EPHB1: variants seen among roughly 807,000 people sequenced by gnomAD.
EPHB1 encodes ephrin type-B receptor 1.
A neutral mutation model predicts 94.4 loss-of-function variants in EPHB1; 30 were observed. The ratio of observed to expected loss-of-function variants is 0.32; its 90% CI spans 0.24 to 0.43. EPHB1 has a LOEUF of 0.43. EPHB1 is among the 20% of genes least tolerant of loss of function. The probability of loss-of-function intolerance (pLI) is 1.00; values close to 1 mark genes in which losing one functional copy is unlikely to be tolerated. For synonymous variants in EPHB1, 522 were observed against 489.1 expected (o/e 1.07, Z -0.89); for missense variants, 1,055 against 1,308.3 (o/e 0.81, Z 2.99).
chr3:135,220,877 A>ATAGATTTTCATAC (rs1943266375), intron 12 of EPHB1, among the ~76,000 whole-genome samples: 1 of 152,206 alleles, frequency 6.6e-6, no homozygotes, highest in Admixed American at 6.5e-5. Flanking sequence ...CCTTGTCTTC[A>ATAGATTTTCATAC]TAGATTTTCA....
chr3:135,030,925 G>T lies in EPHB1; in HGVS notation c.806-75523G>T, dbSNP rs547513509. Among the ~76,000 whole-genome samples, 555 of 152,330 alleles carry T rather than the reference G, an allele frequency of 3.6e-3. 6 individuals carry two copies. Among genetic ancestry groups the T allele is most frequent in the African/African-American group, 0.012 (518 of 41,580 alleles). ...GCCAGGTGCGGCATGTAATCTCGTG[G>T]TGCGCCATTTTTTAAGCCCGTCGGA... On this transcript the variant is annotated intron_variant, in intron 3 of 15. Transcript: ENST00000398015.
intron 1 of EPHB1, among the ~76,000 whole-genome samples, chr3:134,819,987 A>G (rs1034221509): frequency 5.3e-5 from 8 of 152,148 alleles, no homozygotes; most frequent in Non-Finnish European, 8.8e-5. Flanking sequence ...CCCACAAGAT[A>G]AAAGTTTATT....
At chr3:135,053,033 A>ATG (rs1937236783) in intron 3 of EPHB1, among the ~76,000 whole-genome samples, 1 of 130,292 alleles carries the variant, frequency 7.7e-6, no homozygotes, top group Non-Finnish European at 1.6e-5. Flanking sequence ...GTGTGTATAT[A>ATG]TATATATATA....
At chr3:134,804,577 C>T (rs2036000775) in intron 1 of EPHB1, among the ~76,000 whole-genome samples, 1 of 152,144 alleles carries the variant, frequency 6.6e-6, no homozygotes, top group African/African-American at 2.4e-5. Context: ...GGAATCAGGG[C>T]ACAGCGCAGG....
chr3:134,872,562 A>C (rs2037522215), intron 1 of EPHB1, among the ~76,000 whole-genome samples: 1 of 152,232 alleles, frequency 6.6e-6, no homozygotes, highest in African/African-American at 2.4e-5. Flanking sequence ...CCAATAAATA[A>C]AGCAAAGCTA....
At chr3:134,996,461 A>T (rs1239553173) in intron 3 of EPHB1, among the ~76,000 whole-genome samples, 2 of 152,194 alleles carry the variant, frequency 1.3e-5, no homozygotes, top group Non-Finnish European at 2.9e-5. Context: ...GCTGGGATTT[A>T]CAGCCATGCG....
intron 1 of EPHB1, among the ~76,000 whole-genome samples, chr3:134,831,536 C>T (rs74441071): frequency 0.016 from 2,407 of 152,312 alleles, 37 homozygotes; most frequent in South Asian, 0.062. Flanking sequence ...TCCCACCCCT[C>T]GGATGCCTCC....
In EPHB1 at chr3:135,052,890, A is replaced by AAAAAT. The variant is rs1553726757; in HGVS notation, c.806-53557_806-53556insAAATA. Reference sequence around the variant, plus strand: ...AAAAAAAAAAAAAAAAAAAAAAAAAAATATATATATATATATATATGTGTG... The same window carrying AAAAAT: ...AAAAAAAAAAAAAAAAAAAAAAAAAAAAAATATATATATATATATATATATGTGTG... On this transcript the variant is annotated intron_variant, in intron 3 of 15. Coordinates refer to ENST00000398015, the MANE Select transcript of EPHB1 (RefSeq NM_004441.5). 1.5e-3 allele frequency among the ~76,000 whole-genome samples: 80 copies of AAAAAT among 54,586 alleles called. 4 individuals carry two copies. The highest frequency in any genetic ancestry group is 4.2e-3 in the East Asian group (7 of 1,672). 35.8% of individuals were successfully genotyped at this position (54,586 alleles called of 152,430 possible).
intron 3 of EPHB1, among the ~76,000 whole-genome samples, chr3:135,002,107 T>C (rs1339297088): frequency 3.3e-5 from 5 of 152,182 alleles, no homozygotes; most frequent in Non-Finnish European, 5.9e-5. Flanking sequence ...ATGAATGAAA[T>C]GTTGATGTAT....
intron 1 of EPHB1, among the ~76,000 whole-genome samples, chr3:134,829,830 A>G (rs1036389133): frequency 2.0e-5 from 3 of 152,178 alleles, no homozygotes; most frequent in African/African-American, 7.2e-5. Context: ...ACATGCACAC[A>G]GGGAGTGCGC....
intron 12 of EPHB1, among the ~76,000 whole-genome samples, chr3:135,238,006 C>G (rs1559886385): frequency 6.6e-6 from 1 of 152,128 alleles, no homozygotes; most frequent in Admixed American, 6.5e-5. Flanking sequence ...TAATAGATTT[C>G]CTTTCACATA....
intron 3 of EPHB1, among the ~76,000 whole-genome samples, chr3:135,071,079 C>T (rs1300234298): frequency 6.6e-6 from 1 of 152,172 alleles, no homozygotes; most frequent in Non-Finnish European, 1.5e-5. Flanking sequence ...ATACTGTCCC[C>T]CTCAAGGACT....
At chr3:135,196,153 A>G (rs1257922161) in intron 11 of EPHB1, among the ~76,000 whole-genome samples, 2 of 151,804 alleles carry the variant, frequency 1.3e-5, no homozygotes, top group East Asian at 3.9e-4. Context: ...GTGTCTGTTC[A>G]TGTCCTTCAT....
chr3:134,817,983 T>C (rs1211897331), intron 1 of EPHB1, among the ~76,000 whole-genome samples: 1 of 152,198 alleles, frequency 6.6e-6, no homozygotes, highest in South Asian at 2.1e-4. Context: ...CTACCCACTC[T>C]TCAAACAGGT....
chr3:134,935,150 G>A (rs1560304203), intron 2 of EPHB1, among the ~76,000 whole-genome samples: 3 of 152,202 alleles, frequency 2.0e-5, no homozygotes, highest in Admixed American at 1.3e-4. Context: ...CCTGACAAAG[G>A]CACTGGGATG....
At chr3:135,187,067 A>G (rs77356155) in intron 10 of EPHB1, among the ~76,000 whole-genome samples, 1 of 152,350 alleles carries the variant, frequency 6.6e-6, no homozygotes, top group East Asian at 1.9e-4. Flanking sequence ...GTCAAGAACC[A>G]CAGTTCGAGA....
At chr3:135,095,262 C>T (rs1051843659) in intron 3 of EPHB1, among the ~76,000 whole-genome samples, 1 of 151,904 alleles carries the variant, frequency 6.6e-6, no homozygotes, top group African/African-American at 2.4e-5. Flanking sequence ...GGGACACAAG[C>T]GGACAACAGG....
intron 3 of EPHB1, among the ~76,000 whole-genome samples, chr3:134,978,825 AG>A (rs574303638): frequency 6.6e-6 from 1 of 152,350 alleles, no homozygotes; most frequent in South Asian, 2.1e-4. Context: ...TGGAGCTATT[AG>A]GAGAAACTCA....
Position 135,057,938 on chromosome 3 carries a change from T to G in EPHB1, c.806-48510T>G, listed in dbSNP as rs569833029. On this transcript the variant is annotated intron_variant, in intron 3 of 15. Coordinates refer to ENST00000398015, the MANE Select transcript of EPHB1 (RefSeq NM_004441.5). ...AGCGAGTTTATTTTTCTCTCTCAAC[T>G]GGAAAATCACATTTGATCAGCTGTA... Among the ~76,000 whole-genome samples the G allele has an allele frequency of 7.9e-5, 12 of 152,318 alleles. No homozygotes were observed. In the South Asian group the frequency reaches 2.5e-3, roughly 32 times the overall value.
Sources: gnomAD v4.1 joint callset for allele counts (sites outside exome capture counted in the v4.1 genomes callset) on GRCh38, gnomAD v4.1.1 for gene constraint, MANE v1.5 for transcripts, NCBI Gene and HGNC (gene_info 2026-07-23, HGNC 2026-07-21) for gene names.